TNK1: variants seen among roughly 807,000 people sequenced by gnomAD.
TNK1 encodes the protein tyrosine kinase non receptor 1.
In TNK1, 53 loss-of-function variants were observed where a neutral mutation model predicts 65.2. That is an observed-to-expected ratio of 0.81 (90% CI 0.65 to 1.02). The LOEUF (loss-of-function observed/expected upper bound fraction) is 1.02. Ranked by LOEUF, TNK1 falls within the 50% of genes least tolerant of loss-of-function variation. TNK1 has a pLI of 0.00. For missense variants in TNK1, 837 were observed against 878.4 expected, an observed-to-expected ratio of 0.95 and a Z score of 0.60; for synonymous variants, 353 against 364.6, an observed-to-expected ratio of 0.97 and a Z score of 0.36.
chr17:7,383,139 A>G, intron 2 of TNK1, 50 bp downstream of exon 2: 2 of 1,612,252 alleles, frequency 1.2e-6, no homozygotes, highest in African/African-American at 2.7e-5. Context: ...ACAGCCTATC[A>G]GTTGCCTTCC....
In TNK1 at chr17:7,388,976, T is replaced by G; in HGVS notation, c.1878T>G (p.Asp626Glu). ...CCACCCTCCTGCTTCCACAGGTAGA[T>G]CAGCTCTTCCACCTGAGTAGCCGGT... The part of the protein sequence containing the change: ...VVSAIRNLKV[D>E]QLFHLSSRSR... The change falls in exon 13 of 13, where the codon GAT becomes GAG. Residue 626 changes from aspartate to glutamate, a missense_variant. Physicochemically the swap from Asp to Glu is conservative, Grantham distance 45 (BLOSUM62 2). Coordinates refer to ENST00000688331, the MANE Select transcript of TNK1 (RefSeq NM_003985.6). The surrounding 1 kb of genome is among the most constrained non-coding windows in gnomAD (Gnocchi z 4.5). 1.3e-6 allele frequency: 2 copies of G among 1,554,106 alleles called. No individual in the cohort carries two copies. The highest frequency in any genetic ancestry group is 1.7e-6 in the Non-Finnish European group (2 of 1,148,302).
At chr17:7,381,169 C>T (rs868245880) in intron 1 of TNK1, 55 bp downstream of exon 1, 1 of 152,492 alleles carries the variant, frequency 6.6e-6, no homozygotes, top group African/African-American at 2.4e-5. Flanking sequence ...GCGGAGCAGC[C>T]GTCGCTGGGG....
rs1484904111 is a variant in TNK1, at chr17:7,388,862, T to G, written c.1851T>G (p.Val617=). Residue 617 remains valine (V), a synonymous_variant, in exon 12 of 13, where the codon GTT becomes GTG. Transcript: ENST00000688331. This position sits in a 1 kb window ranked among gnomAD's most constrained non-coding sequence, Gnocchi z 4.5. ...TAGGAGCCACTGGGGGAGATGTGGTTTCTGCCATCCGGAACCTCAAGGTAA... is the reference window on the plus strand; with the variant it reads ...TAGGAGCCACTGGGGGAGATGTGGTGTCTGCCATCCGGAACCTCAAGGTAA... ...TALGATGGDV[V]SAIRNLKVDQ... is the part of the protein sequence containing the mutation. 1 of 1,602,040 alleles carries G rather than the reference T, an allele frequency of 6.2e-7. No individual in the cohort carries two copies. Among genetic ancestry groups the G allele is most frequent in the African/African-American group, 1.3e-5 (1 of 74,656 alleles).
At chr17:7,386,510 C>T (rs1905184858) in intron 7 of TNK1, 51 bp from the exon 8 acceptor site, 3 of 1,420,426 alleles carry the variant, frequency 2.1e-6, no homozygotes, top group Non-Finnish European at 2.0e-6. Context: ...CCCATATTAC[C>T]TATCTGACTC....
upstream of TNK1, chr17:7,380,680 T>A (rs933686477): frequency 6.6e-6 from 1 of 152,300 alleles, no homozygotes; most frequent in Non-Finnish European, 1.5e-5. Context: ...AGGAACTGTG[T>A]CCTATTTAGC....
Position 7,387,419 on chromosome 17 carries a change from G to A in TNK1, c.1439G>A (p.Arg480Gln), listed in dbSNP as rs774253029. The change falls in exon 10 of 13, where the codon CGG becomes CAG. Residue 480 changes from arginine (R) to glutamine (Q), a missense_variant. Physicochemically the swap from Arg to Gln is conservative, Grantham distance 43. Transcript: ENST00000688331. ...KANLWDAPPA[R>Q]GQRRNMPLER... is the part of the protein sequence containing the mutation. Reference sequence around the variant, plus strand: ...AATCTTTGGGATGCGCCCCCAGCACGGGGCCAGAGGAGGAACATGCCCCTG... The same window carrying A: ...AATCTTTGGGATGCGCCCCCAGCACAGGGCCAGAGGAGGAACATGCCCCTG... 41 of 1,604,892 alleles carry A rather than the reference G, an allele frequency of 2.6e-5. No individual in the cohort carries two copies. Among genetic ancestry groups the A allele is most frequent in the Admixed American group, 1.4e-4 (8 of 58,622 alleles).
Position 7,382,068 on chromosome 17 carries a change from C to A in TNK1, c.-91-768C>A, listed in dbSNP as rs1567643849. The stretch of plus-strand genomic sequence containing the variant: ...GGATCACGAGGTCAGGAGTTCAAGA[C>A]CAGCCTGGCCAATATGGTGAAACCC... On this transcript the variant is annotated intron_variant, in intron 1 of 12. Transcript: ENST00000688331. This position sits in a 1 kb window ranked among gnomAD's most constrained non-coding sequence, Gnocchi z 4.1. Among the ~76,000 whole-genome samples the A allele has an allele frequency of 6.6e-6, 1 of 152,190 alleles. No individual in the cohort carries two copies. The highest frequency in any genetic ancestry group is 1.5e-5 in the Non-Finnish European group (1 of 68,042).
Position 7,384,533 on chromosome 17 carries a change from G to A in TNK1, c.916G>A (p.Val306Met), listed in dbSNP as rs376599357. 1.4e-4 allele frequency: 232 copies of A among 1,603,448 alleles called. No homozygotes were observed. Among genetic ancestry groups the A allele is most frequent in the Non-Finnish European group, 1.9e-4 (225 of 1,173,186 alleles). ...RHGAFSSASD[V>M]WMFGVTLWEM... ...CGGAGCCTTCTCGTCTGCCTCGGAC[G>A]TGTGGATGTTTGGGGTGACGCTGTG... Residue 306 changes from valine (V) to methionine (M), a missense_variant, in exon 7 of 13, where the codon GTG (valine) becomes ATG (methionine). Val to Met is a conservative substitution (Grantham distance 21). Transcript: ENST00000688331.
intron 6 of TNK1, 32 bp downstream of exon 6, chr17:7,384,285 G>A (rs554206618): frequency 2.8e-6 from 4 of 1,440,390 alleles, no homozygotes; most frequent in Middle Eastern, 2.6e-4. Flanking sequence ...GTCGGGCTCT[G>A]AGCCGGGCGG....
At chr17:7,381,333 ACCC>A (rs1324306329) in intron 1 of TNK1, among the ~76,000 whole-genome samples, 1 of 151,742 alleles carries the variant, frequency 6.6e-6, no homozygotes, top group Non-Finnish European at 1.5e-5. Flanking sequence ...TCCCAACCCA[ACCC>A]TGTTCGCGCC....
In TNK1 at chr17:7,384,608, C is replaced by A. The variant is rs759109823; in HGVS notation, c.991C>A (p.Leu331Ile). The change falls in exon 7 of 13, where the codon CTC (leucine) becomes ATC (isoleucine). Residue 331 changes from leucine to isoleucine, a missense_variant. Transcript: ENST00000688331. ...EEPWAGVPPY[L>I]ILQRLEDRAR... The stretch of plus-strand genomic sequence containing the variant: ...ACCCTGGGCCGGGGTCCCACCGTAC[C>A]TCATCCTGCAGCGGCTGGAGGACAG... 1.9e-6 allele frequency: 3 copies of A among 1,612,624 alleles called. No individual in the cohort carries two copies. The South Asian group carries it at 3.3e-5, about 18-fold the overall frequency.
intron 1 of TNK1, among the ~76,000 whole-genome samples, chr17:7,381,994 G>A (rs1421890735): frequency 6.6e-6 from 1 of 152,234 alleles, no homozygotes; most frequent in Non-Finnish European, 1.5e-5. Flanking sequence ...TCGGCCGGGC[G>A]CAGTGGCTCA....
chr17:7,384,192 C>T lies in TNK1; in HGVS notation c.805C>T (p.Pro269Ser), dbSNP rs1318745639. The change falls in exon 6 of 13, where the codon CCT (proline) becomes TCT (serine). Residue 269 changes from proline to serine, a missense_variant. Transcript: ENST00000688331. ...IKVADFGLVR[P>S]LGGARGRYVM... ...GGTGGCTGACTTCGGGCTGGTGCGG[C>T]CTCTGGGCGGTGCCCGGGGCCGCTA... 11 of 1,529,740 alleles carry T rather than the reference C, an allele frequency of 7.2e-6. No homozygotes were observed. The highest frequency in any genetic ancestry group is 2.0e-5 in the Admixed American group (1 of 49,940). The allele number at this position is 1,529,740 out of a possible 1,614,324, so 94.8% of individuals were successfully genotyped here. A position where few individuals can be genotyped will look rare whatever the true frequency, so the allele number is the denominator to read the frequency against.
rs1428099579 is a variant in TNK1, at chr17:7,384,824, G to A, written c.1137+70G>A. The A allele has an allele frequency of 2.0e-6, 3 of 1,505,678 alleles. No homozygotes were observed. The South Asian group carries it at 3.8e-5, about 19-fold the overall frequency. 93.3% of individuals were successfully genotyped at this position (1,505,678 alleles called of 1,614,324 possible). ...CATTCGCTCTCCCAGGGTTCCATGC[G>A]AAGACTAACACATCTAGATGTCTGT... On this transcript the variant is annotated intron_variant, in intron 7 of 12. Transcript: ENST00000688331.
intron 7 of TNK1, among the ~76,000 whole-genome samples, chr17:7,385,658 G>A (rs546235321): frequency 3.3e-5 from 5 of 152,144 alleles, no homozygotes; most frequent in Non-Finnish European, 7.4e-5. Flanking sequence ...TCCGCCTCCT[G>A]GGTTCAAGCA....
In TNK1 at chr17:7,388,814, C is replaced by A. The variant is rs1279603969; in HGVS notation, c.1803C>A (p.Thr601=). The change falls in exon 12 of 13, where the codon ACC becomes ACA. Residue 601 remains threonine, a synonymous_variant. Transcript: ENST00000688331. This position sits in a 1 kb window ranked among gnomAD's most constrained non-coding sequence, Gnocchi z 4.5. ...TGGAGCTGAGTGTGCATGGGGTCAC[C>A]CACCAGGAGTGCCAGACAGCACTAG... ...MEVELSVHGV[T]HQECQTALGA... is the part of the protein sequence containing the mutation. 9 of 1,607,766 alleles carry A rather than the reference C, an allele frequency of 5.6e-6. No individual in the cohort carries two copies. Among genetic ancestry groups the A allele is most frequent in the African/African-American group, 1.3e-5 (1 of 74,808 alleles).
upstream of TNK1, chr17:7,380,991 CCT>C (rs2143073560): frequency 6.6e-6 from 1 of 152,400 alleles, no homozygotes; most frequent in East Asian, 1.9e-4. Context: ...GGGGTGCGGC[CCT>C]CGCCGGCCCC....
At position 7,386,576 on chromosome 17, in the gene TNK1, G is replaced by A. The variant is rs760198797; in HGVS notation, c.1153G>A (p.Ala385Thr). The A allele has an allele frequency of 8.7e-6, 14 of 1,604,260 alleles. No individual in the cohort carries two copies. The South Asian group carries it at 1.6e-4, about 18-fold the overall frequency. The change falls in exon 8 of 13, where the codon GCA (alanine) becomes ACA (threonine). Residue 385 changes from alanine to threonine, a missense_variant. Transcript: ENST00000688331. The stretch of plus-strand genomic sequence containing the variant: ...GTCTCCACAGGCCGGGCCTTCGGAA[G>A]CATGTTGTGTGAGGGATGTCACAGA... ...GLLQEAGPSE[A>T]CCVRDVTEPG...
rs1230417304 is a variant in TNK1, at chr17:7,382,951, T to G, written c.25T>G (p.Trp9Gly). The G allele has an allele frequency of 6.2e-7, 1 of 1,614,022 alleles. No individual in the cohort carries two copies. The highest frequency in any genetic ancestry group is 8.5e-7 in the Non-Finnish European group (1 of 1,179,890). The change falls in exon 2 of 13, where the codon TGG (tryptophan) becomes GGG (glycine). Residue 9 changes from tryptophan (W) to glycine (G), a missense_variant. Trp to Gly is a radical substitution (Grantham distance 184, BLOSUM62 -2). Transcript: ENST00000688331. The surrounding 1 kb of genome is among the most constrained non-coding windows in gnomAD (Gnocchi z 4.1). MLPEAGSL[W>G]LLKLLRDIQL... ...CATGCTTCCTGAGGCTGGCTCCCTG[T>G]GGCTACTGAAGCTGCTCCGGGACAT...
Sources: allele counts gnomAD v4.1 joint callset (sites outside exome capture counted in the v4.1 genomes callset), GRCh38; gene constraint gnomAD v4.1.1; non-coding constraint Gnocchi (gnomAD v3.1); transcripts MANE v1.5; gene names NCBI Gene and HGNC (gene_info 2026-07-23, HGNC 2026-07-21).